The following GRID1 variants were observed in gnomAD, a reference collection of about 807,000 sequenced individuals.
GRID1 encodes the protein glutamate ionotropic receptor delta type subunit 1.
In GRID1, 28 loss-of-function variants were observed where a neutral mutation model predicts 98.0. The ratio of observed to expected loss-of-function variants is 0.29; its 90% CI spans 0.21 to 0.39. GRID1 has a LOEUF of 0.39. Ranked by LOEUF, GRID1 falls within the 10% of genes least tolerant of loss-of-function variation. The pLI is 1.00. For synonymous variants in GRID1, 553 were observed against 538.5 expected (o/e 1.03, Z -0.37); for missense variants, 1,111 against 1,340.5 (o/e 0.83, Z 2.67).
intron 8 of GRID1, among the ~76,000 whole-genome samples, chr10:85,794,202 C>T (rs1448482153): frequency 6.6e-6 from 1 of 152,162 alleles, no homozygotes; most frequent in African/African-American, 2.4e-5. Context: ...TTTGGTTAGC[C>T]TCTACCCAGC....
At chr10:86,279,471 C>T (rs1440078911) in intron 2 of GRID1, among the ~76,000 whole-genome samples, 4 of 152,164 alleles carry the variant, frequency 2.6e-5, no homozygotes, top group Non-Finnish European at 5.9e-5. Flanking sequence ...CATTTGCAAT[C>T]AAATCACCAT....
intron 4 of GRID1, among the ~76,000 whole-genome samples, chr10:85,972,763 A>C (rs910873269): frequency 2.6e-5 from 4 of 152,136 alleles, no homozygotes; most frequent in Non-Finnish European, 5.9e-5. Flanking sequence ...GGTTAGGATA[A>C]ATTTTAACAA....
intron 8 of GRID1, among the ~76,000 whole-genome samples, chr10:85,794,632 A>G (rs2132745567): frequency 6.6e-6 from 1 of 152,306 alleles, no homozygotes; most frequent in East Asian, 1.9e-4. Flanking sequence ...CTCTCAATCT[A>G]CCTTTGATGG....
At chr10:85,758,628 G>A (rs72841475) in intron 8 of GRID1, among the ~76,000 whole-genome samples, 5,697 of 152,296 alleles carry the variant, frequency 0.037, 147 homozygotes, top group Admixed American at 0.056. Flanking sequence ...ACCATATCCT[G>A]TGGATTAAAG....
At chr10:86,107,104 C>T (rs911610519) in intron 4 of GRID1, among the ~76,000 whole-genome samples, 1 of 152,180 alleles carries the variant, frequency 6.6e-6, no homozygotes, top group East Asian at 1.9e-4. Flanking sequence ...CCAGTGCAGG[C>T]ACAGCAGGAA....
intron 12 of GRID1, among the ~76,000 whole-genome samples, chr10:85,705,881 T>A (rs1037390409): frequency 1.3e-5 from 2 of 152,212 alleles, no homozygotes; most frequent in African/African-American, 4.8e-5. Flanking sequence ...TCCCAATAGA[T>A]GCAGAAAAGG....
rs1844555280 is a variant in GRID1 at position 86,115,141 on chromosome 10, G to C, written c.726+23678C>G. ...GAGATGGCGGCTTGTGAGAGACAAGGGGAAGAGACAGAAACAGGAGTATTC... is the reference window on the plus strand; with the variant it reads ...GAGATGGCGGCTTGTGAGAGACAAGCGGAAGAGACAGAAACAGGAGTATTC... On this transcript the variant is annotated intron_variant, in intron 4 of 15. Transcript: ENST00000327946. Among the ~76,000 whole-genome samples, 3 of 152,166 alleles carry C rather than the reference G, an allele frequency of 2.0e-5. No individual in the cohort carries two copies. The South Asian group carries it at 6.2e-4, about 31-fold the overall frequency.
intron 2 of GRID1, among the ~76,000 whole-genome samples, chr10:86,299,798 C>T (rs1847654683): frequency 6.6e-6 from 1 of 152,138 alleles, no homozygotes; most frequent in African/African-American, 2.4e-5. Flanking sequence ...TTCCCACTGA[C>T]ACTTGGGCCA....
At chr10:85,810,658 C>A (rs1205701232) in intron 8 of GRID1, among the ~76,000 whole-genome samples, 1 of 152,164 alleles carries the variant, frequency 6.6e-6, no homozygotes, top group African/African-American at 2.4e-5. Flanking sequence ...CCAGGCAAAC[C>A]TGCCCCGGCC....
At chr10:86,287,316 C>T (rs570211212) in intron 2 of GRID1, among the ~76,000 whole-genome samples, 2 of 152,256 alleles carry the variant, frequency 1.3e-5, no homozygotes, top group East Asian at 1.9e-4. Flanking sequence ...TCAATTCTCT[C>T]GTAACTAAAA....
At position 85,920,173 on chromosome 10, in the gene GRID1, CTTTTT is replaced by C. The variant is rs572405422; in HGVS notation, c.727-3939_727-3935del. Reference sequence around the variant, plus strand: ...AAGTCCCCACTTCCCTGCTGTCTTTCTTTTTTTAAGTCCCCATAATTTTTAATAAA... The same window carrying C: ...AAGTCCCCACTTCCCTGCTGTCTTTCTTAAGTCCCCATAATTTTTAATAAA... On this transcript the variant is annotated intron_variant, in intron 4 of 15. Coordinates refer to ENST00000327946, the MANE Select transcript of GRID1 (RefSeq NM_017551.3). 8.4e-4 allele frequency among the ~76,000 whole-genome samples: 128 copies of C among 152,206 alleles called. 1 individual carries two copies. Among genetic ancestry groups the C allele is most frequent in the African/African-American group, 2.2e-3 (92 of 41,526 alleles).
At chr10:85,680,054 G>GCTTTTGAT (rs1841190203) in intron 12 of GRID1, among the ~76,000 whole-genome samples, 1 of 152,180 alleles carries the variant, frequency 6.6e-6, no homozygotes, top group Non-Finnish European at 1.5e-5. Flanking sequence ...ACCTGCTCCT[G>GCTTTTGAT]CTTTTGATGC....
At chr10:86,320,826 G>A (rs976133300) in intron 2 of GRID1, among the ~76,000 whole-genome samples, 1 of 152,114 alleles carries the variant, frequency 6.6e-6, no homozygotes, top group Non-Finnish European at 1.5e-5. Flanking sequence ...AGAGCCGGGC[G>A]CGGTGGCTCA....
At chr10:86,310,449 G>A (rs1332011559) in intron 2 of GRID1, among the ~76,000 whole-genome samples, 2 of 152,158 alleles carry the variant, frequency 1.3e-5, no homozygotes, top group Admixed American at 1.3e-4. Context: ...GGGTAGAGGG[G>A]TGGGCAGCAA....
chr10:85,700,469 C>T (rs889042185), intron 12 of GRID1, among the ~76,000 whole-genome samples: 1 of 152,164 alleles, frequency 6.6e-6, no homozygotes, highest in Non-Finnish European at 1.5e-5. Flanking sequence ...ATGTAGGATG[C>T]TACTCACATA....
At chr10:86,127,584 C>G (rs1844772801) in intron 4 of GRID1, among the ~76,000 whole-genome samples, 1 of 152,210 alleles carries the variant, frequency 6.6e-6, no homozygotes, top group East Asian at 1.9e-4. Context: ...CTCTTGGACT[C>G]TAACATCCTC....
intron 4 of GRID1, among the ~76,000 whole-genome samples, chr10:86,122,682 T>G (rs1415758003): frequency 1.3e-5 from 2 of 152,234 alleles, no homozygotes; most frequent in Non-Finnish European, 2.9e-5. Context: ...TTTAAATTGG[T>G]CACTGAATTA....
chr10:85,633,609 C>T (rs1004132020), intron 13 of GRID1, among the ~76,000 whole-genome samples: 2 of 152,306 alleles, frequency 1.3e-5, no homozygotes, highest in Admixed American at 6.5e-5. Flanking sequence ...TATTAACGAA[C>T]ATCCCTTCAT....
chr10:85,871,204 C>T (rs770564025), intron 5 of GRID1, among the ~76,000 whole-genome samples: 10 of 152,154 alleles, frequency 6.6e-5, no homozygotes, highest in South Asian at 2.1e-4. Flanking sequence ...AGAATGCTCA[C>T]GTTAGCCTAC....
Sources: allele counts gnomAD v4.1 joint callset (sites outside exome capture counted in the v4.1 genomes callset), GRCh38; gene constraint gnomAD v4.1.1; transcripts MANE v1.5; gene names NCBI Gene and HGNC (gene_info 2026-07-23, HGNC 2026-07-21).